The following ANXA10 variants were observed in gnomAD, a reference collection of about 807,000 sequenced individuals.
ANXA10 encodes annexin A10.
Under a neutral mutation model 53.5 loss-of-function variants are expected in ANXA10, and 49 were observed. The ratio of observed to expected loss-of-function variants is 0.92; its 90% CI spans 0.73 to 1.16. The LOEUF (loss-of-function observed/expected upper bound fraction) is 1.16. Among genes scored for constraint, ANXA10 ranks in the 50% most tolerant of loss-of-function variants. The pLI, the probability that ANXA10 is intolerant of heterozygous loss-of-function variation, is 0.00. For synonymous variants in ANXA10, 131 were observed against 128.9 expected (o/e 1.02, Z -0.11); for missense variants, 393 against 394.4 (o/e 1.00, Z 0.03).
intron 4 of ANXA10, among the ~76,000 whole-genome samples, chr4:168,163,448 C>T (rs1185135175): frequency 6.6e-6 from 1 of 152,002 alleles, no homozygotes; most frequent in Non-Finnish European, 1.5e-5. Flanking sequence ...TTTACTGATC[C>T]AAATAGGCAT....
In ANXA10 at chr4:168,187,437, T is replaced by C. The variant is rs142508793; in HGVS notation, c.*3T>C. 2.5e-6 allele frequency: 4 copies of C among 1,579,410 alleles called. No homozygotes were observed. In the East Asian group the frequency reaches 9.1e-5, roughly 36 times the overall value. On this transcript the variant is annotated 3_prime_UTR_variant, in exon 12 of 12. Transcript: ENST00000359299. ...CTGGTGATGCTGAGGACTACTAAAATGAAGAGGACTTGGAGTACTGTGCAC... is the reference window on the plus strand; with the variant it reads ...CTGGTGATGCTGAGGACTACTAAAACGAAGAGGACTTGGAGTACTGTGCAC...
intron 3 of ANXA10, among the ~76,000 whole-genome samples, chr4:168,153,885 C>A (rs1238804609): frequency 6.6e-6 from 1 of 151,936 alleles, no homozygotes; most frequent in Non-Finnish European, 1.5e-5. Flanking sequence ...CCTGTACATT[C>A]GAACATTAGA....
At chr4:168,177,165 C>A (rs2149480590) in intron 6 of ANXA10, among the ~76,000 whole-genome samples, 1 of 152,256 alleles carries the variant, frequency 6.6e-6, no homozygotes, top group Admixed American at 6.5e-5. Flanking sequence ...CCCTCATAAC[C>A]CTCAGGAATC....
At chr4:168,100,356 G>A (rs974051779) in intron 1 of ANXA10, among the ~76,000 whole-genome samples, 1 of 152,074 alleles carries the variant, frequency 6.6e-6, no homozygotes, top group African/African-American at 2.4e-5. Context: ...TCATGAAATT[G>A]TACTTCCCTG....
At chr4:168,181,247 C>T (rs1185837972) in intron 9 of ANXA10, among the ~76,000 whole-genome samples, 1 of 151,756 alleles carries the variant, frequency 6.6e-6, no homozygotes, top group Non-Finnish European at 1.5e-5. Context: ...AAAAGTTAGC[C>T]GGGCGTGGTG....
At chr4:168,155,856 ATATATG>A (rs1560783924) in intron 3 of ANXA10, among the ~76,000 whole-genome samples, 216 of 15,776 alleles carry the variant, frequency 0.014, 10 homozygotes, top group Non-Finnish European at 0.02. Context: ...ATAATATATC[ATATATG>A]ATATATCATA....
At chr4:168,123,140 G>A (rs2149468776) in intron 1 of ANXA10, among the ~76,000 whole-genome samples, 1 of 152,278 alleles carries the variant, frequency 6.6e-6, no homozygotes, top group South Asian at 2.1e-4. Flanking sequence ...AATACCCTGA[G>A]CATGCAATGT....
intron 3 of ANXA10, among the ~76,000 whole-genome samples, chr4:168,140,075 T>TA (rs759731865): frequency 4.1e-4 from 63 of 152,238 alleles, no homozygotes; most frequent in African/African-American, 1.5e-3. Context: ...TAGAGACCAT[T>TA]AAAAAAGAAT....
chr4:168,125,707 A>G (rs1283802286), intron 1 of ANXA10, among the ~76,000 whole-genome samples: 1 of 152,190 alleles, frequency 6.6e-6, no homozygotes, highest in Non-Finnish European at 1.5e-5. Context: ...TCAGGCATTA[A>G]TAAATTTGAA....
At chr4:168,179,107 G>A in intron 8 of ANXA10, 110 bp from the exon 9 acceptor site, 1 of 679,884 alleles carries the variant, frequency 1.5e-6, no homozygotes, top group Non-Finnish European at 2.5e-6. Context: ...GATAACAGTA[G>A]TACTTTTAAT....
chr4:168,179,242 T>C lies in ANXA10; in HGVS notation c.654T>C (p.Ser218=). ...RLVFQEFQNI[S]GQDMVDAINE... is the part of the protein sequence containing the mutation. ...TTTTCCAGGAATTTCAAAATATTTCTGGGCAAGATATGGTAGATGCCATTA... is the reference window on the plus strand; with the variant it reads ...TTTTCCAGGAATTTCAAAATATTTCCGGGCAAGATATGGTAGATGCCATTA... Residue 218 remains serine (S), a synonymous_variant, in exon 9 of 12, where the codon TCT becomes TCC. Coordinates refer to ENST00000359299, the MANE Select transcript of ANXA10 (RefSeq NM_007193.5). The C allele has an allele frequency of 6.2e-7, 1 of 1,610,456 alleles. No individual in the cohort carries two copies. Among genetic ancestry groups the C allele is most frequent in the Non-Finnish European group, 8.5e-7 (1 of 1,178,616 alleles).
At chr4:168,093,773 A>G (rs1422556791) in intron 1 of ANXA10, among the ~76,000 whole-genome samples, 4 of 152,188 alleles carry the variant, frequency 2.6e-5, no homozygotes, top group African/African-American at 9.6e-5. Flanking sequence ...GTTTACTCAT[A>G]CAAAGTAATC....
intron 10 of ANXA10, 144 bp downstream of exon 10, chr4:168,181,885 G>T: frequency 1.6e-6 from 1 of 628,360 alleles, no homozygotes; most frequent in Admixed American, 2.9e-5. Context: ...GAGAAAAACT[G>T]GTTTAGACAC....
At chr4:168,145,904 T>C (rs76975128) in intron 3 of ANXA10, among the ~76,000 whole-genome samples, 2,756 of 143,802 alleles carry the variant, frequency 0.019, 88 homozygotes, top group African/African-American at 0.069. Flanking sequence ...ATACCTTGAC[T>C]CTTAGTCTAT....
intron 1 of ANXA10, among the ~76,000 whole-genome samples, chr4:168,120,907 T>C (rs1730975798): frequency 6.6e-6 from 1 of 152,142 alleles, no homozygotes; most frequent in Non-Finnish European, 1.5e-5. Context: ...AAATTGCATT[T>C]AGTAAAAGAT....
chr4:168,115,586 T>C (rs888076594), intron 1 of ANXA10, among the ~76,000 whole-genome samples: 1 of 152,018 alleles, frequency 6.6e-6, no homozygotes, highest in Non-Finnish European at 1.5e-5. Flanking sequence ...CTCATCCTTT[T>C]AGAATTTTGT....
chr4:168,131,229 CAT>C (rs1469256491), intron 2 of ANXA10, among the ~76,000 whole-genome samples: 2 of 151,926 alleles, frequency 1.3e-5, no homozygotes, highest in Non-Finnish European at 2.9e-5. Context: ...TTCTTAGTCT[CAT>C]GTGTATTTAG....
At chr4:168,116,513 T>C (rs1262240533) in intron 1 of ANXA10, among the ~76,000 whole-genome samples, 1 of 152,190 alleles carries the variant, frequency 6.6e-6, no homozygotes, top group Non-Finnish European at 1.5e-5. Context: ...TATAGCATCC[T>C]CTGTAGCCAG....
intron 1 of ANXA10, among the ~76,000 whole-genome samples, chr4:168,098,306 T>G (rs904894258): frequency 2.6e-5 from 4 of 152,110 alleles, no homozygotes; most frequent in Non-Finnish European, 4.4e-5. Flanking sequence ...ATATGAATCA[T>G]AGTTAGTTTA....
Sources: gnomAD v4.1 joint callset for allele counts (sites outside exome capture counted in the v4.1 genomes callset) on GRCh38, gnomAD v4.1.1 for gene constraint, MANE v1.5 for transcripts, NCBI Gene and HGNC (gene_info 2026-07-23, HGNC 2026-07-21) for gene names.